Variants in CNTNAP2 observed in about 807,000 individuals in gnomAD.
The protein encoded by CNTNAP2 is contactin associated protein 2.
Under a neutral mutation model 155.2 loss-of-function variants are expected in CNTNAP2, and 98 were observed. The observed-to-expected ratio is 0.63, with a 90% CI of 0.54 to 0.75. The LOEUF (loss-of-function observed/expected upper bound fraction) is 0.75, where lower values mean the gene tolerates loss of function less well. CNTNAP2 is among the 30% of genes least tolerant of loss of function. The pLI is 0.00. For missense variants in CNTNAP2, 1,727 were observed against 1,688.1 expected (o/e 1.02, Z -0.40); for synonymous variants, 651 against 631.2 (o/e 1.03, Z -0.47).
intron 1 of CNTNAP2, among the ~76,000 whole-genome samples, chr7:146,499,877 T>C (rs146276421): frequency 0.01 from 1,544 of 152,338 alleles, 12 homozygotes; most frequent in Non-Finnish European, 0.014. Context: ...CTTTGGGTCT[T>C]TAAAAATTTC....
In CNTNAP2 at chr7:147,724,613, A is replaced by C. The variant is rs77737911; in HGVS notation, c.2098+85307A>C. On this transcript the variant is annotated intron_variant, in intron 13 of 23. Coordinates refer to ENST00000361727, the MANE Select transcript of CNTNAP2 (RefSeq NM_014141.6). Reference sequence around the variant, plus strand: ...GAAAAATACTTGTTCCCTGGAAGCTACAGTAGGAATGCTCTATGATTTGTG... The same window carrying C: ...GAAAAATACTTGTTCCCTGGAAGCTCCAGTAGGAATGCTCTATGATTTGTG... Among the ~76,000 whole-genome samples, 1,359 of 152,176 alleles carry C rather than the reference A, an allele frequency of 8.9e-3. 23 individuals are homozygous for C. The highest frequency in any genetic ancestry group is 0.031 in the African/African-American group (1,281 of 41,546).
At chr7:147,002,959 AAAAAAAAAG>A (rs1798453880) in intron 3 of CNTNAP2, among the ~76,000 whole-genome samples, 1 of 150,774 alleles carries the variant, frequency 6.6e-6, no homozygotes, top group African/African-American at 2.4e-5. Context: ...AAAAAAAAAA[AAAAAAAAAG>A]AAGAAGCAGC....
chr7:146,292,868 G>T (rs1017249474), intron 1 of CNTNAP2, among the ~76,000 whole-genome samples: 1 of 152,134 alleles, frequency 6.6e-6, no homozygotes, highest in Non-Finnish European at 1.5e-5. Flanking sequence ...TATCCGAGAC[G>T]CTGGGAGAGA....
Position 146,977,145 on chromosome 7 carries a change from A to C in CNTNAP2, c.403-66762A>C, listed in dbSNP as rs530477504. On this transcript the variant is annotated intron_variant, in intron 3 of 23. Transcript: ENST00000361727. ...ATGAAAATACATATATAAAAAACAT[A>C]AAATAATAATGAAAAAGGGAGGAGG... 3.9e-5 allele frequency among the ~76,000 whole-genome samples: 6 copies of C among 152,320 alleles called. 1 individual carries two copies. In the South Asian group the frequency reaches 1.2e-3, roughly 32 times the overall value.
intron 1 of CNTNAP2, among the ~76,000 whole-genome samples, chr7:146,285,578 A>G (rs2693299): frequency 0.093 from 14,083 of 151,894 alleles, 1,868 homozygotes; most frequent in African/African-American, 0.3. Flanking sequence ...TTTGGAGTGG[A>G]GGTGTCAAAA....
intron 13 of CNTNAP2, among the ~76,000 whole-genome samples, chr7:147,897,735 G>A (rs376048902): frequency 4.6e-5 from 7 of 152,114 alleles, no homozygotes; most frequent in South Asian, 4.2e-4. Flanking sequence ...CATTTCTTTC[G>A]GTGGTTGAGA....
chr7:148,123,222 G>A (rs550800903), intron 16 of CNTNAP2, among the ~76,000 whole-genome samples: 1 of 152,246 alleles, frequency 6.6e-6, no homozygotes, highest in East Asian at 1.9e-4. Context: ...CAGCATGGAT[G>A]AGATTGCCCA....
intron 15 of CNTNAP2, among the ~76,000 whole-genome samples, chr7:148,021,464 G>T (rs1268161381): frequency 6.6e-6 from 1 of 152,178 alleles, no homozygotes; most frequent in Non-Finnish European, 1.5e-5. Context: ...AGACACGGGG[G>T]ACAGCTTTCT....
Position 147,238,893 on chromosome 7 carries a change from G to A in CNTNAP2, c.1349-61248G>A, listed in dbSNP as rs74988684. 2.0e-4 allele frequency among the ~76,000 whole-genome samples: 31 copies of A among 152,098 alleles called. 1 individual carries two copies. The highest frequency in any genetic ancestry group is 6.5e-5 in the Admixed American group (1 of 15,274). ...TGTTTCTAGAAGATTTGATTCAAAGGTTTGTTCTTATTTCTGGCTTCAATA... is the reference window on the plus strand; with the variant it reads ...TGTTTCTAGAAGATTTGATTCAAAGATTTGTTCTTATTTCTGGCTTCAATA... On this transcript the variant is annotated intron_variant, in intron 8 of 23. Transcript: ENST00000361727.
At position 146,313,877 on chromosome 7, in the gene CNTNAP2, T is replaced by C. The variant is rs138719312; in HGVS notation, c.97+196904T>C. Among the ~76,000 whole-genome samples the C allele has an allele frequency of 1.2e-3, 176 of 152,162 alleles. 3 individuals carry two copies. The East Asian group carries it at 0.032, about 28-fold the overall frequency. On this transcript the variant is annotated intron_variant, in intron 1 of 23. Transcript: ENST00000361727. ...AGCCAGGTGTGGTAGCACATACCTG[T>C]AGTCCCAGTTACTCAGGAGGCTGAG... is the stretch of plus-strand genomic sequence containing the variant.
At position 148,338,791 on chromosome 7, in the gene CNTNAP2, A is replaced by G. The variant is rs1015903480; in HGVS notation, c.3476-44858A>G. On this transcript the variant is annotated intron_variant, in intron 21 of 23. Transcript: ENST00000361727. ...AAAGTGTGGGATTTAAGGCTTCTCAAAAAAGAGCAGAGGAGGGAGTGAGAG... is the reference window on the plus strand; with the variant it reads ...AAAGTGTGGGATTTAAGGCTTCTCAGAAAAGAGCAGAGGAGGGAGTGAGAG... Among the ~76,000 whole-genome samples the G allele has an allele frequency of 5.9e-5, 9 of 152,272 alleles. No individual in the cohort carries two copies. The East Asian group carries it at 1.7e-3, about 29-fold the overall frequency.
chr7:148,222,439 G>A (rs1193596614), intron 19 of CNTNAP2, among the ~76,000 whole-genome samples: 2 of 151,976 alleles, frequency 1.3e-5, no homozygotes, highest in Non-Finnish European at 1.5e-5. Flanking sequence ...TCTTCTTATA[G>A]ACAGTCCCAC....
chr7:146,121,752 A>G (rs892835164), intron 1 of CNTNAP2, among the ~76,000 whole-genome samples: 70 of 152,350 alleles, frequency 4.6e-4, no homozygotes, highest in African/African-American at 1.5e-3. Context: ...CACATATTTT[A>G]AGATAAGTAG....
intron 20 of CNTNAP2, among the ~76,000 whole-genome samples, chr7:148,247,228 CA>C (rs1402797151): frequency 6.6e-5 from 10 of 152,248 alleles, no homozygotes; most frequent in Admixed American, 5.9e-4. Flanking sequence ...TTATGGAAAA[CA>C]TGCTATTTTT....
At chr7:146,646,169 C>T (rs1799807746) in intron 1 of CNTNAP2, among the ~76,000 whole-genome samples, 1 of 152,126 alleles carries the variant, frequency 6.6e-6, no homozygotes, top group African/African-American at 2.4e-5. Flanking sequence ...TGCTTAAAAG[C>T]CTGGCAAAAT....
At chr7:148,390,743 G>A (rs944302105) in intron 22 of CNTNAP2, among the ~76,000 whole-genome samples, 1 of 152,138 alleles carries the variant, frequency 6.6e-6, no homozygotes, top group African/African-American at 2.4e-5. Flanking sequence ...AGGTATGCTG[G>A]CTTTAGTAAT....
chr7:148,309,369 G>A (rs892832674), intron 21 of CNTNAP2, among the ~76,000 whole-genome samples: 17 of 152,180 alleles, frequency 1.1e-4, no homozygotes, highest in Admixed American at 7.2e-4. Context: ...CTTGCAATTG[G>A]GAACTCATTT....
intron 1 of CNTNAP2, among the ~76,000 whole-genome samples, chr7:146,570,914 TA>T (rs1245781992): frequency 6.6e-6 from 1 of 152,146 alleles, no homozygotes; most frequent in Non-Finnish European, 1.5e-5. Flanking sequence ...ACTGAAGTAA[TA>T]TTTTAGCTAA....
chr7:148,341,564 G>A lies in CNTNAP2; in HGVS notation c.3476-42085G>A, dbSNP rs147307640. Among the ~76,000 whole-genome samples, 323 of 152,274 alleles carry A rather than the reference G, an allele frequency of 2.1e-3. 1 individual carries two copies. The highest frequency in any genetic ancestry group is 7.3e-3 in the African/African-American group (304 of 41,550). On this transcript the variant is annotated intron_variant, in intron 21 of 23. Transcript: ENST00000361727. ...ATCAGAAAACGGAGGCTTCAGAAAG[G>A]TGAAGTTACTAGCCCAATGTCACTC...
Sources: gnomAD v4.1 joint callset for allele counts (sites outside exome capture counted in the v4.1 genomes callset) on GRCh38, gnomAD v4.1.1 for gene constraint, MANE v1.5 for transcripts, NCBI Gene and HGNC (gene_info 2026-07-23, HGNC 2026-07-21) for gene names.